Variants in NLGN4X observed in about 807,000 individuals in gnomAD.
The protein encoded by NLGN4X is neuroligin-4, X-linked.
NLGN4X carries 3 observed loss-of-function variants against 40.3 expected under a neutral mutation model. The observed-to-expected ratio is 0.07, with a 90% CI of 0.03 to 0.19. The LOEUF is 0.19. Ranked by LOEUF, NLGN4X falls within the 10% of genes least tolerant of loss-of-function variation. The pLI is 1.00. For synonymous variants in NLGN4X, 270 were observed against 306.8 expected (o/e 0.88, Z 1.25); for missense variants, 382 against 708.3 (o/e 0.54, Z 5.23).
chrX:6,027,408 A>AT (rs1292691443), intron 3 of NLGN4X, among the ~76,000 whole-genome samples: 1 of 112,437 alleles, frequency 8.9e-6, no homozygotes, highest in Non-Finnish European at 1.9e-5. Context: ...AGCCAACGAC[A>AT]TAATAAGTTT....
intron 2 of NLGN4X, among the ~76,000 whole-genome samples, chrX:6,046,919 T>C (rs1357950594): frequency 1.8e-5 from 2 of 108,392 alleles, no homozygotes; most frequent in Non-Finnish European, 3.8e-5. Context: ...GTGTATAAAA[T>C]GTATATATAA....
chrX:5,976,011 T>C (rs75803955), intron 3 of NLGN4X, among the ~76,000 whole-genome samples: 11 of 111,688 alleles, frequency 9.8e-5, no homozygotes, highest in Non-Finnish European at 9.4e-5. Context: ...AGTCTCCTTA[T>C]TGAGCCTACA....
At chrX:6,072,403 G>A (rs1481153577) in intron 2 of NLGN4X, among the ~76,000 whole-genome samples, 1 of 110,866 alleles carries the variant, frequency 9.0e-6, no homozygotes, top group African/African-American at 3.3e-5. Flanking sequence ...ATAGAACAGT[G>A]GGCCAAAATA....
intron 2 of NLGN4X, among the ~76,000 whole-genome samples, chrX:6,099,127 A>C (rs1373345897): frequency 8.9e-6 from 1 of 112,216 alleles, no homozygotes; most frequent in Non-Finnish European, 1.9e-5. Flanking sequence ...ATGCTACATC[A>C]GAGTATAAGC....
At chrX:5,982,695 A>C (rs758642550) in intron 3 of NLGN4X, among the ~76,000 whole-genome samples, 1 of 111,670 alleles carries the variant, frequency 9.0e-6, no homozygotes, top group African/African-American at 3.3e-5. Flanking sequence ...TCTCTACAAA[A>C]AATTTTTTAA....
chrX:5,933,238 C>T (rs2146874121), intron 3 of NLGN4X, among the ~76,000 whole-genome samples: 1 of 111,470 alleles, frequency 9.0e-6, no homozygotes, highest in African/African-American at 3.2e-5. Context: ...GGTAAGAATT[C>T]TGAAAAATAT....
At chrX:5,998,974 C>G (rs1288582054) in intron 3 of NLGN4X, among the ~76,000 whole-genome samples, 1 of 111,860 alleles carries the variant, frequency 8.9e-6, no homozygotes, top group Non-Finnish European at 1.9e-5. Flanking sequence ...AAAATCTGCA[C>G]AATTTGCCCA....
chrX:6,119,617 G>C (rs933274719), intron 2 of NLGN4X, among the ~76,000 whole-genome samples: 4 of 111,027 alleles, frequency 3.6e-5, no homozygotes, highest in African/African-American at 1.3e-4. Context: ...ATGGCAAAGT[G>C]AGTGCTGTGT....
At chrX:6,024,587 A>C (rs1306220370) in intron 3 of NLGN4X, among the ~76,000 whole-genome samples, 2 of 110,862 alleles carry the variant, frequency 1.8e-5, no homozygotes, top group African/African-American at 3.3e-5. Context: ...GTAAAAAAAA[A>C]CAGCCGAAAC....
At chrX:6,208,671 C>T (rs1370104834) in intron 1 of NLGN4X, among the ~76,000 whole-genome samples, 1 of 111,948 alleles carries the variant, frequency 8.9e-6, no homozygotes, top group African/African-American at 3.2e-5. Context: ...ATGGATTTTA[C>T]TCCCAAGGGG....
intron 3 of NLGN4X, among the ~76,000 whole-genome samples, chrX:5,965,940 C>A (rs754592292): frequency 9.0e-6 from 1 of 111,660 alleles, no homozygotes; most frequent in East Asian, 2.8e-4. Context: ...GTAACTTTAT[C>A]ACTAGACTGC....
intron 2 of NLGN4X, among the ~76,000 whole-genome samples, chrX:6,141,765 G>A (rs1279166979): frequency 8.1e-5 from 9 of 111,378 alleles, no homozygotes; most frequent in Non-Finnish European, 1.7e-4. Flanking sequence ...GCTGCAGTGA[G>A]CAGAGATCAT....
Position 6,167,097 on chromosome X carries a change from A to T in NLGN4X, c.-305-15326T>A, listed in dbSNP as rs747909624. 5.6e-5 allele frequency among the ~76,000 whole-genome samples: 6 copies of T among 106,330 alleles called. No homozygotes were observed. The East Asian group carries it at 1.2e-3, about 21-fold the overall frequency. 92.3% of individuals were successfully genotyped at this position (106,330 alleles called of 115,157 possible). A position where few individuals can be genotyped will look rare whatever the true frequency, so the allele number is the denominator to read the frequency against. ...AAAAAAAAAAAAAAAAAAAAGAAAG[A>T]ATAAAAGGCAAATATCTCCACCAGG... is the stretch of plus-strand genomic sequence containing the variant. On this transcript the variant is annotated intron_variant, in intron 1 of 5. Transcript: ENST00000381095.
intron 1 of NLGN4X, among the ~76,000 whole-genome samples, chrX:6,218,828 C>T (rs919275411): frequency 7.2e-5 from 8 of 111,214 alleles, no homozygotes; most frequent in African/African-American, 2.6e-4. Flanking sequence ...ACAAAGAACC[C>T]TAAGTTATCC....
chrX:6,004,684 C>G (rs184959296), intron 3 of NLGN4X, among the ~76,000 whole-genome samples: 2 of 111,903 alleles, frequency 1.8e-5, no homozygotes, highest in East Asian at 5.6e-4. Context: ...CTTGGAACTG[C>G]ATGGGTAGGG....
chrX:6,073,481 C>T (rs1428492137), intron 2 of NLGN4X, among the ~76,000 whole-genome samples: 1 of 112,049 alleles, frequency 8.9e-6, no homozygotes, highest in East Asian at 2.8e-4. Flanking sequence ...CAAAGCCATC[C>T]TTGGCAAATA....
intron 3 of NLGN4X, among the ~76,000 whole-genome samples, chrX:6,026,917 T>TAAAA (rs200175059): frequency 1.9e-4 from 21 of 107,813 alleles, no homozygotes; most frequent in East Asian, 8.7e-4. Context: ...ACAAAACTGA[T>TAAAA]AAAAAAAAAA....
At chrX:6,065,728 CT>C (rs1159768414) in intron 2 of NLGN4X, among the ~76,000 whole-genome samples, 30 of 111,337 alleles carry the variant, frequency 2.7e-4, no homozygotes, top group Admixed American at 7.7e-4. Context: ...AGAATCAGCA[CT>C]TTCCAAAGAT....
intron 3 of NLGN4X, among the ~76,000 whole-genome samples, chrX:5,997,433 G>A (rs2035849320): frequency 9.7e-6 from 1 of 103,460 alleles, no homozygotes; most frequent in Non-Finnish European, 2.0e-5. Context: ...TCAAAATATG[G>A]TTACAAATTA....
Sources: gnomAD v4.1 joint callset for allele counts (sites outside exome capture counted in the v4.1 genomes callset) on GRCh38, gnomAD v4.1.1 for gene constraint, MANE v1.5 for transcripts, NCBI Gene and HGNC (gene_info 2026-07-23, HGNC 2026-07-21) for gene names.